MGAT5: variants seen among roughly 807,000 people sequenced by gnomAD.
MGAT5 encodes the protein alpha-1,6-mannosylglycoprotein 6-beta-N-acetylglucosaminyltransferase A.
In MGAT5, 30 loss-of-function variants were observed where a neutral mutation model predicts 94.3. That is an observed-to-expected ratio of 0.32 (90% CI 0.24 to 0.43). The LOEUF is 0.43. Ranked by LOEUF, MGAT5 falls within the 20% of genes least tolerant of loss-of-function variation. MGAT5 has a pLI of 1.00. For synonymous variants in MGAT5, 310 were observed against 322.9 expected, an observed-to-expected ratio of 0.96 and a Z score of 0.43; for missense variants, 691 against 905.5, an observed-to-expected ratio of 0.76 and a Z score of 3.04.
intron 1 of MGAT5, among the ~76,000 whole-genome samples, chr2:134,219,455 C>T (rs985070036): frequency 6.6e-6 from 1 of 152,100 alleles, no homozygotes; most frequent in Admixed American, 6.5e-5. Flanking sequence ...GCCGGTGACT[C>T]ATCTACTTTA....
At chr2:134,272,956 T>A (rs1244237742) in intron 2 of MGAT5, among the ~76,000 whole-genome samples, 2 of 152,240 alleles carry the variant, frequency 1.3e-5, no homozygotes, top group East Asian at 3.9e-4. Flanking sequence ...TGTCTCAGTG[T>A]CTGCTCTCAG....
intron 1 of MGAT5, among the ~76,000 whole-genome samples, chr2:134,265,223 G>C (rs1432908476): frequency 6.6e-6 from 1 of 152,092 alleles, no homozygotes. Context: ...TTGATGATCT[G>C]GGAAATGAAG....
intron 15 of MGAT5, among the ~76,000 whole-genome samples, chr2:134,448,169 C>A (rs935728719): frequency 2.0e-5 from 3 of 152,236 alleles, no homozygotes; most frequent in African/African-American, 7.2e-5. Flanking sequence ...AGCACATAGC[C>A]GTCTCGACTT....
At chr2:134,248,731 G>A (rs1682423630) in intron 1 of MGAT5, among the ~76,000 whole-genome samples, 1 of 152,182 alleles carries the variant, frequency 6.6e-6, no homozygotes, top group Admixed American at 6.5e-5. Flanking sequence ...TGTCCTGCAG[G>A]GCTATTTGAA....
chr2:134,131,669 A>T (rs1220066515), intron 1 of MGAT5, among the ~76,000 whole-genome samples: 1 of 146,438 alleles, frequency 6.8e-6, no homozygotes, highest in East Asian at 2.0e-4. Context: ...TTGCCCTATA[A>T]CTTTGCAGGT....
At chr2:134,310,133 G>A (rs1573763384) in intron 2 of MGAT5, among the ~76,000 whole-genome samples, 1 of 152,198 alleles carries the variant, frequency 6.6e-6, no homozygotes, top group Non-Finnish European at 1.5e-5. Context: ...AGGCAGTACT[G>A]TAGCTTCTGG....
intron 8 of MGAT5, among the ~76,000 whole-genome samples, 153 bp from the exon 9 acceptor site, chr2:134,349,652 G>A (rs867989142): frequency 8.5e-5 from 13 of 152,200 alleles, no homozygotes; most frequent in Admixed American, 7.2e-4. Flanking sequence ...CGGTACACAA[G>A]CTATTGTAAA....
intron 1 of MGAT5, among the ~76,000 whole-genome samples, chr2:134,248,480 G>A (rs1445628457): frequency 6.6e-6 from 1 of 152,244 alleles, no homozygotes; most frequent in Non-Finnish European, 1.5e-5. Flanking sequence ...GAGGTGGGGT[G>A]AGATTGGAGG....
chr2:134,318,835 T>C (rs1687159411), intron 4 of MGAT5, 96 bp downstream of exon 4: 2 of 817,144 alleles, frequency 2.4e-6, no homozygotes, highest in African/African-American at 3.4e-5. Flanking sequence ...ACGTGTGGTA[T>C]TTTTATGTGG....
intron 2 of MGAT5, among the ~76,000 whole-genome samples, chr2:134,314,729 T>A (rs954031174): frequency 6.6e-6 from 1 of 151,372 alleles, no homozygotes; most frequent in Non-Finnish European, 1.5e-5. Flanking sequence ...AGAGGAAGAG[T>A]GGTGGCCTGG....
chr2:134,359,951 T>C (rs535688787), intron 9 of MGAT5, among the ~76,000 whole-genome samples: 1 of 152,280 alleles, frequency 6.6e-6, no homozygotes, highest in South Asian at 2.1e-4. Flanking sequence ...GAGCAAACCC[T>C]TATGTGGTCA....
intron 2 of MGAT5, among the ~76,000 whole-genome samples, chr2:134,272,410 T>G (rs145711845): frequency 4.6e-5 from 7 of 152,092 alleles, no homozygotes; most frequent in African/African-American, 1.7e-4. Flanking sequence ...AAATTTAGAG[T>G]TACACATTTA....
chr2:134,205,831 G>A (rs954956104), intron 1 of MGAT5, among the ~76,000 whole-genome samples: 1 of 152,194 alleles, frequency 6.6e-6, no homozygotes, highest in African/African-American at 2.4e-5. Context: ...AAGTCAGCTG[G>A]GGAATTGCTT....
At chr2:134,296,655 A>G (rs532151902) in intron 2 of MGAT5, among the ~76,000 whole-genome samples, 4 of 152,272 alleles carry the variant, frequency 2.6e-5, no homozygotes, top group South Asian at 2.1e-4. Context: ...TTCTGCAGAC[A>G]TTGTAATCTA....
intron 1 of MGAT5, among the ~76,000 whole-genome samples, chr2:134,131,290 G>A (rs1470030408): frequency 6.6e-6 from 1 of 152,202 alleles, no homozygotes; most frequent in Non-Finnish European, 1.5e-5. Context: ...AAGTCAATGA[G>A]ACCAAGAACC....
chr2:134,244,923 A>C (rs1682155977), intron 1 of MGAT5, among the ~76,000 whole-genome samples: 1 of 152,200 alleles, frequency 6.6e-6, no homozygotes, highest in African/African-American at 2.4e-5. Flanking sequence ...CCCATATGTC[A>C]GTTGTGCAAA....
At chr2:134,219,729 C>G (rs1680664055) in intron 1 of MGAT5, among the ~76,000 whole-genome samples, 2 of 152,072 alleles carry the variant, frequency 1.3e-5, no homozygotes, top group South Asian at 4.1e-4. Context: ...TTAGGAGATC[C>G]TGAAAAAATT....
At chr2:134,358,414 C>G (rs1335301624) in intron 9 of MGAT5, among the ~76,000 whole-genome samples, 2 of 151,940 alleles carry the variant, frequency 1.3e-5, no homozygotes, top group Non-Finnish European at 2.9e-5. Context: ...ATGAGGAAAA[C>G]CAATAAATCC....
rs189236440 is a variant in MGAT5 at position 134,278,018 on chromosome 2, T to A, written c.406+7468T>A. On this transcript the variant is annotated intron_variant, in intron 2 of 15. Coordinates refer to ENST00000281923, the MANE Select transcript of MGAT5 (RefSeq NM_002410.5). ...AAAGGGAACTTGGGGCTCATGTCAT[T>A]TGAAAGTTTGTGGGATGCTGTTGAG... is the stretch of plus-strand genomic sequence containing the variant. 4.4e-4 allele frequency among the ~76,000 whole-genome samples: 67 copies of A among 152,280 alleles called. 2 individuals are homozygous for A. The highest frequency in any genetic ancestry group is 1.5e-3 in the African/African-American group (63 of 41,556).
Sources: gnomAD v4.1 joint callset for allele counts (sites outside exome capture counted in the v4.1 genomes callset) on GRCh38, gnomAD v4.1.1 for gene constraint, MANE v1.5 for transcripts, NCBI Gene and HGNC (gene_info 2026-07-23, HGNC 2026-07-21) for gene names.